Variants in LRRC7 observed in about 807,000 individuals in gnomAD.
The protein encoded by LRRC7 is leucine rich repeat containing 7, also known as leucine-rich repeat-containing protein 7.
Under a neutral mutation model 175.7 loss-of-function variants are expected in LRRC7, and 23 were observed. That is an observed-to-expected ratio of 0.13 (90% CI 0.09 to 0.19). The LOEUF is 0.19. Ranked by LOEUF, LRRC7 falls within the 10% of genes least tolerant of loss-of-function variation. The probability of loss-of-function intolerance (pLI) is 1.00; values close to 1 mark genes in which losing one functional copy is unlikely to be tolerated. For missense variants in LRRC7, 1,354 were observed against 1,904.7 expected (o/e 0.71, Z 5.38); for synonymous variants, 685 against 680.9 (o/e 1.01, Z -0.09).
At chr1:70,055,863 C>A (rs1034274033) in intron 23 of LRRC7, among the ~76,000 whole-genome samples, 1 of 152,122 alleles carries the variant, frequency 6.6e-6, no homozygotes, top group Non-Finnish European at 1.5e-5. Flanking sequence ...CAAACCATAA[C>A]AAATTCATAG....
rs1337308865 is a variant in LRRC7, at chr1:70,141,649, C to G, written c.*19762C>G. 2.0e-5 allele frequency: 3 copies of G among 151,958 alleles called. No homozygotes were observed. Among genetic ancestry groups the G allele is most frequent in the South Asian group, 2.1e-4 (1 of 4,832 alleles). 9.4% of individuals were successfully genotyped at this position (151,958 alleles called of 1,614,324 possible). On this transcript the variant is annotated 3_prime_UTR_variant, in exon 27 of 27. Coordinates refer to ENST00000651989, the MANE Select transcript of LRRC7 (RefSeq NM_001370785.2). ...GAAAATTATCAAATGTAAATGATCCCTTTTTTGCTGGATCTTATAAAATAT... is the reference window on the plus strand; with the variant it reads ...GAAAATTATCAAATGTAAATGATCCGTTTTTTGCTGGATCTTATAAAATAT...
At chr1:69,894,069 C>A (rs1645912943) in intron 7 of LRRC7, among the ~76,000 whole-genome samples, 1 of 152,110 alleles carries the variant, frequency 6.6e-6, no homozygotes, top group Non-Finnish European at 1.5e-5. Context: ...GAGAAATAAA[C>A]CTCATTGCAT....
At chr1:70,019,691 G>T (rs1253984244) in intron 15 of LRRC7, among the ~76,000 whole-genome samples, 1 of 151,796 alleles carries the variant, frequency 6.6e-6, no homozygotes, top group African/African-American at 2.4e-5. Context: ...AATATTTTAG[G>T]ATATTTTTCT....
chr1:69,750,061 A>AAAATAAATAAATAAAT (rs368323946), intron 2 of LRRC7, among the ~76,000 whole-genome samples: 8,709 of 139,036 alleles, frequency 0.063, 340 homozygotes, highest in East Asian at 0.087. Context: ...CTATGTCTCA[A>AAAATAAATAAATAAAT]AAATAAATAA....
chr1:70,052,433 C>T (rs1224503577), intron 22 of LRRC7, among the ~76,000 whole-genome samples: 4 of 151,840 alleles, frequency 2.6e-5, no homozygotes, highest in Non-Finnish European at 5.9e-5. Flanking sequence ...ACTTACACTA[C>T]GATTCTAATA....
At chr1:69,777,123 C>T (rs555208516) in intron 3 of LRRC7, among the ~76,000 whole-genome samples, 1 of 152,180 alleles carries the variant, frequency 6.6e-6, no homozygotes, top group Non-Finnish European at 1.5e-5. Flanking sequence ...TCTGTCATCA[C>T]CAATGGAACA....
chr1:69,616,099 AG>A (rs1428109253), intron 1 of LRRC7, among the ~76,000 whole-genome samples: 1 of 152,098 alleles, frequency 6.6e-6, no homozygotes, highest in Non-Finnish European at 1.5e-5. Flanking sequence ...ATGTCATGTT[AG>A]CATTGTGAAG....
In LRRC7 at chr1:70,044,968, A is replaced by T. The variant is rs550862514; in HGVS notation, c.4110+874A>T. Among the ~76,000 whole-genome samples, 4 of 152,122 alleles carry T rather than the reference A, an allele frequency of 2.6e-5. No individual in the cohort carries two copies. The East Asian group carries it at 7.7e-4, about 29-fold the overall frequency. ...AATAGAATGACAGTAACTTCTAAACACTTCTTCCCTCTTAATAAAATGAAT... is the reference window on the plus strand; with the variant it reads ...AATAGAATGACAGTAACTTCTAAACTCTTCTTCCCTCTTAATAAAATGAAT... On this transcript the variant is annotated intron_variant, in intron 22 of 26. Coordinates refer to ENST00000651989, the MANE Select transcript of LRRC7 (RefSeq NM_001370785.2).
At chr1:70,100,958 C>G in intron 25 of LRRC7, among the ~76,000 whole-genome samples, 1 of 152,068 alleles carries the variant, frequency 6.6e-6, no homozygotes, top group Middle Eastern at 3.2e-3. Context: ...ACTTTTGATT[C>G]CTGGAGAGGA....
At chr1:69,997,255 C>T (rs1655073926) in intron 11 of LRRC7, among the ~76,000 whole-genome samples, 1 of 152,120 alleles carries the variant, frequency 6.6e-6, no homozygotes, top group South Asian at 2.1e-4. Flanking sequence ...ATTTTGTATC[C>T]TGAGACTTTG....
At chr1:69,942,618 C>G (rs1278049209) in intron 8 of LRRC7, among the ~76,000 whole-genome samples, 1 of 151,934 alleles carries the variant, frequency 6.6e-6, no homozygotes, top group Non-Finnish European at 1.5e-5. Context: ...TTACGTGGCC[C>G]CTTCCTCACA....
chr1:69,678,349 TATGA>T, intron 1 of LRRC7, 28 bp from the exon 2 acceptor site: 1 of 1,422,972 alleles, frequency 7.0e-7, no homozygotes, highest in Non-Finnish European at 9.7e-7. Flanking sequence ...AAAAAAAGAG[TATGA>T]AAATACTCTT....
intron 25 of LRRC7, among the ~76,000 whole-genome samples, chr1:70,093,345 A>C (rs1342956294): frequency 6.6e-6 from 1 of 152,168 alleles, no homozygotes; most frequent in Non-Finnish European, 1.5e-5. Flanking sequence ...TGTGATCTTC[A>C]TAACTATTTC....
At chr1:69,945,669 A>G (rs1489458270) in intron 8 of LRRC7, among the ~76,000 whole-genome samples, 1 of 151,976 alleles carries the variant, frequency 6.6e-6, no homozygotes, top group East Asian at 1.9e-4. Context: ...ATCTTCTTCA[A>G]TTTATTTCAT....
intron 7 of LRRC7, among the ~76,000 whole-genome samples, chr1:69,890,727 C>A (rs1252159684): frequency 1.3e-5 from 2 of 152,208 alleles, no homozygotes; most frequent in Admixed American, 1.3e-4. Context: ...TAGCCACCTT[C>A]ATTAATTATC....
intron 1 of LRRC7, among the ~76,000 whole-genome samples, chr1:69,584,273 T>C (rs1485004241): frequency 6.6e-6 from 1 of 151,966 alleles, no homozygotes; most frequent in Non-Finnish European, 1.5e-5. Context: ...TTTGGGGGTC[T>C]TCTATTCTAG....
chr1:69,742,094 A>G (rs1413992642), intron 2 of LRRC7, among the ~76,000 whole-genome samples: 3 of 152,088 alleles, frequency 2.0e-5, no homozygotes, highest in Admixed American at 2.0e-4. Flanking sequence ...TATGTGACAT[A>G]AAAACTCAAA....
intron 1 of LRRC7, among the ~76,000 whole-genome samples, chr1:69,657,493 A>T (rs964712457): frequency 2.0e-5 from 3 of 151,826 alleles, no homozygotes; most frequent in Non-Finnish European, 4.4e-5. Context: ...ATTCCCAAGG[A>T]TCCTCTTCAT....
intron 1 of LRRC7, chr1:69,607,032 A>C (rs1647702449): frequency 6.6e-6 from 1 of 152,062 alleles, no homozygotes; most frequent in Non-Finnish European, 1.5e-5. Flanking sequence ...ATAGGAGATA[A>C]ATAGACATTG....
Sources: allele counts gnomAD v4.1 joint callset (sites outside exome capture counted in the v4.1 genomes callset), GRCh38; gene constraint gnomAD v4.1.1; transcripts MANE v1.5; gene names NCBI Gene and HGNC (gene_info 2026-07-23, HGNC 2026-07-21).